Variants in PTPRD observed in about 807,000 individuals in gnomAD.
The protein encoded by PTPRD is protein tyrosine phosphatase receptor type D, also known as receptor-type tyrosine-protein phosphatase delta.
In PTPRD, 34 loss-of-function variants were observed where a neutral mutation model predicts 214.5. The ratio of observed to expected loss-of-function variants is 0.16; its 90% CI spans 0.12 to 0.21. PTPRD has a LOEUF of 0.21. Ranked by LOEUF, PTPRD falls within the 10% of genes least tolerant of loss-of-function variation. The probability of loss-of-function intolerance (pLI) is 1.00; values close to 1 mark genes in which losing one functional copy is unlikely to be tolerated. For synonymous variants in PTPRD, 1,128 were observed against 845.7 expected (o/e 1.33, Z -5.79); for missense variants, 2,545 against 2,398.7 (o/e 1.06, Z -1.27).
At chr9:9,163,671 C>A (rs906049090) in intron 10 of PTPRD, among the ~76,000 whole-genome samples, 7 of 152,098 alleles carry the variant, frequency 4.6e-5, no homozygotes, top group Non-Finnish European at 7.3e-5. Flanking sequence ...TTAAAGCTGT[C>A]CTACTGCCCT....
At chr9:9,313,334 G>A (rs1385590209) in intron 9 of PTPRD, among the ~76,000 whole-genome samples, 8 of 152,140 alleles carry the variant, frequency 5.3e-5, no homozygotes, top group Admixed American at 5.2e-4. Flanking sequence ...AGGAGAGTAA[G>A]TTCAGAAGAA....
chr9:9,013,495 G>C (rs775746676), intron 11 of PTPRD, among the ~76,000 whole-genome samples: 1 of 152,094 alleles, frequency 6.6e-6, no homozygotes, highest in South Asian at 2.1e-4. Context: ...TTTTTTGTGT[G>C]TTTGTTTGTT....
chr9:10,125,421 A>ATT (rs1203150288), intron 3 of PTPRD, among the ~76,000 whole-genome samples: 1 of 122,198 alleles, frequency 8.2e-6, no homozygotes, highest in African/African-American at 3.0e-5. Flanking sequence ...ATTTTGTTTT[A>ATT]TTTTATTATT....
At chr9:10,435,586 T>G (rs185232323) in intron 2 of PTPRD, among the ~76,000 whole-genome samples, 22 of 152,004 alleles carry the variant, frequency 1.4e-4, no homozygotes, top group Admixed American at 1.3e-3. Flanking sequence ...TTCAAATTAT[T>G]CTTATTTATT....
intron 3 of PTPRD, among the ~76,000 whole-genome samples, chr9:10,139,304 G>C (rs998453715): frequency 6.6e-5 from 10 of 151,022 alleles, no homozygotes; most frequent in Admixed American, 4.0e-4. Context: ...AAAATGCCCA[G>C]GAATACTGCT....
At chr9:9,084,214 A>G (rs987471533) in intron 10 of PTPRD, among the ~76,000 whole-genome samples, 41 of 152,220 alleles carry the variant, frequency 2.7e-4, no homozygotes, top group Admixed American at 2.6e-3. Context: ...ATGGAATACT[A>G]TGCAGCCATG....
At chr9:9,635,861 TAAGTCA>T (rs1426031296) in intron 7 of PTPRD, among the ~76,000 whole-genome samples, 1 of 152,114 alleles carries the variant, frequency 6.6e-6, no homozygotes, top group Non-Finnish European at 1.5e-5. Context: ...TACCAACACC[TAAGTCA>T]AAGTATCACC....
At chr9:10,022,387 T>G (rs1175298555) in intron 4 of PTPRD, among the ~76,000 whole-genome samples, 1 of 145,192 alleles carries the variant, frequency 6.9e-6, no homozygotes, top group Non-Finnish European at 1.5e-5. Context: ...ACCTTTCTAA[T>G]TTATTGGCAC....
At chr9:10,043,683 A>T (rs1589594891) in intron 3 of PTPRD, among the ~76,000 whole-genome samples, 1 of 151,966 alleles carries the variant, frequency 6.6e-6, no homozygotes, top group Non-Finnish European at 1.5e-5. Flanking sequence ...GATCAAAATG[A>T]TATAAAGAAA....
At chr9:9,982,458 GT>G (rs1449520474) in intron 4 of PTPRD, among the ~76,000 whole-genome samples, 21 of 14,966 alleles carry the variant, frequency 1.4e-3, no homozygotes, top group African/African-American at 6.1e-3. Flanking sequence ...TACATATATT[GT>G]TGTTGTGGTG....
intron 2 of PTPRD, among the ~76,000 whole-genome samples, chr9:10,402,119 G>C (rs968267543): frequency 5.9e-5 from 9 of 151,584 alleles, no homozygotes; most frequent in Non-Finnish European, 1.3e-4. Flanking sequence ...TGTAAATGGT[G>C]TTCCTATGTA....
At chr9:10,538,289 AATAAAT>A (rs1177254440) in intron 2 of PTPRD, among the ~76,000 whole-genome samples, 8 of 136,082 alleles carry the variant, frequency 5.9e-5, no homozygotes, top group African/African-American at 2.3e-4. Context: ...TAAATAAATA[AATAAAT>A]AAAAAGGGAG....
chr9:8,613,757 A>G (rs1019300735), intron 14 of PTPRD, among the ~76,000 whole-genome samples: 1 of 152,122 alleles, frequency 6.6e-6, no homozygotes, highest in Non-Finnish European at 1.5e-5. Flanking sequence ...CCTCTTCTAC[A>G]TGACAGTCCA....
At chr9:9,103,202 T>C (rs2154442985) in intron 10 of PTPRD, among the ~76,000 whole-genome samples, 1 of 152,296 alleles carries the variant, frequency 6.6e-6, no homozygotes, top group South Asian at 2.1e-4. Context: ...CTAATTAATA[T>C]TATTTTCTAA....
intron 11 of PTPRD, among the ~76,000 whole-genome samples, chr9:8,991,584 AC>A (rs2099367007): frequency 2.6e-5 from 4 of 152,248 alleles, no homozygotes; most frequent in African/African-American, 9.6e-5. Context: ...AAGATGAAAA[AC>A]ACAGGTAAAT....
At chr9:10,506,917 T>C (rs976544432) in intron 2 of PTPRD, among the ~76,000 whole-genome samples, 1 of 152,124 alleles carries the variant, frequency 6.6e-6, no homozygotes, top group Non-Finnish European at 1.5e-5. Flanking sequence ...GGGCATATAT[T>C]GAATACCCTT....
intron 10 of PTPRD, among the ~76,000 whole-genome samples, chr9:9,118,378 C>G (rs1427792602): frequency 6.6e-6 from 1 of 152,130 alleles, no homozygotes; most frequent in East Asian, 1.9e-4. Context: ...TGACCATTTT[C>G]TGCAGAAGTT....
intron 9 of PTPRD, among the ~76,000 whole-genome samples, chr9:9,241,203 A>T (rs576052907): frequency 1.4e-4 from 22 of 152,264 alleles, no homozygotes; most frequent in African/African-American, 5.3e-4. Context: ...GGATTTAAAG[A>T]AACTGTTTTG....
At chr9:9,348,834 G>T (rs551767542) in intron 9 of PTPRD, among the ~76,000 whole-genome samples, 1 of 152,186 alleles carries the variant, frequency 6.6e-6, no homozygotes, top group East Asian at 1.9e-4. Context: ...TAATTAGGGT[G>T]CTCTCTTAAT....
Sources: gnomAD v4.1 joint callset for allele counts (sites outside exome capture counted in the v4.1 genomes callset) on GRCh38, gnomAD v4.1.1 for gene constraint, MANE v1.5 for transcripts, NCBI Gene and HGNC (gene_info 2026-07-23, HGNC 2026-07-21) for gene names.